LRP1B: variants seen among roughly 807,000 people sequenced by gnomAD.
LRP1B encodes LDL receptor related protein 1B.
A neutral mutation model predicts 556.6 loss-of-function variants in LRP1B; 217 were observed. The observed-to-expected ratio is 0.39, with a 90% CI of 0.35 to 0.44. The LOEUF (loss-of-function observed/expected upper bound fraction) is 0.44. LRP1B is among the 20% of genes least tolerant of loss of function. The pLI is 1.00. For missense variants in LRP1B, 5,053 were observed against 5,620.8 expected (o/e 0.90, Z 3.23); for synonymous variants, 2,047 against 1,865.8 (o/e 1.10, Z -2.50).
chr2:141,327,875 TGAGAGA>T (rs757095809), intron 3 of LRP1B, among the ~76,000 whole-genome samples: 1,695 of 90,670 alleles, frequency 0.019, 35 homozygotes, highest in African/African-American at 0.083. Context: ...AGATAAAGAG[TGAGAGA>T]GAGAGAGAGA....
intron 43 of LRP1B, among the ~76,000 whole-genome samples, chr2:140,596,458 C>A (rs1457734611): frequency 6.6e-6 from 1 of 152,098 alleles, no homozygotes; most frequent in East Asian, 1.9e-4. Flanking sequence ...TGTCTGCTGA[C>A]AAGTTGAGTA....
chr2:140,272,141 A>C (rs539762840), intron 85 of LRP1B, among the ~76,000 whole-genome samples: 91 of 152,056 alleles, frequency 6.0e-4, no homozygotes, highest in African/African-American at 2.1e-3. Context: ...TAGACATTTT[A>C]AATGTGAAAT....
chr2:140,536,628 C>T lies in LRP1B; in HGVS notation c.7595G>A (p.Gly2532Asp), dbSNP rs1338864694. The T allele has an allele frequency of 1.2e-6, 2 of 1,610,728 alleles. No individual in the cohort carries two copies. The highest frequency in any genetic ancestry group is 1.7e-6 in the Non-Finnish European group (2 of 1,178,280). The change falls in exon 46 of 91, where the codon GGC becomes GAC. Residue 2532 changes from glycine to aspartate, a missense_variant. Coordinates refer to ENST00000389484, the MANE Select transcript of LRP1B (RefSeq NM_018557.3). ...TGATTTATCTTTACAGTGAGGAATGCCATCACAGGTGAGCTGGTAGTCAAT... is the reference window on the plus strand; with the variant it reads ...TGATTTATCTTTACAGTGAGGAATGTCATCACAGGTGAGCTGGTAGTCAAT... The part of the protein sequence containing the change: ...ECIDYQLTCD[G>D]IPHCKDKSDE...
chr2:140,417,811 G>C (rs978267317), intron 66 of LRP1B, among the ~76,000 whole-genome samples: 3 of 152,178 alleles, frequency 2.0e-5, no homozygotes, highest in African/African-American at 7.2e-5. Flanking sequence ...TTTACAGAAT[G>C]TGATTAAAAT....
chr2:140,803,965 G>A (rs1690619608), intron 32 of LRP1B, among the ~76,000 whole-genome samples: 1 of 142,426 alleles, frequency 7.0e-6, no homozygotes, highest in Non-Finnish European at 1.5e-5. Context: ...GAGAAGAAAA[G>A]GTAGGGAGGG....
chr2:140,775,878 C>G (rs192144002), intron 33 of LRP1B, among the ~76,000 whole-genome samples: 17 of 152,202 alleles, frequency 1.1e-4, no homozygotes, highest in African/African-American at 3.9e-4. Flanking sequence ...GAAGACCTGA[C>G]AAATTAAGAC....
chr2:141,059,885 C>G (rs1699290011), intron 8 of LRP1B, among the ~76,000 whole-genome samples: 1 of 151,720 alleles, frequency 6.6e-6, no homozygotes, highest in Non-Finnish European at 1.5e-5. Flanking sequence ...CCTTTGGCTA[C>G]TCATTTACTT....
At chr2:140,306,341 G>C (rs2105018304) in intron 83 of LRP1B, among the ~76,000 whole-genome samples, 1 of 152,048 alleles carries the variant, frequency 6.6e-6, no homozygotes, top group African/African-American at 2.4e-5. Flanking sequence ...GCCTGTTATT[G>C]GTCTATTCAG....
chr2:141,031,253 A>T (rs1028987677), intron 11 of LRP1B, among the ~76,000 whole-genome samples: 2 of 71,440 alleles, frequency 2.8e-5, no homozygotes, highest in African/African-American at 4.7e-5. Flanking sequence ...TATACATATC[A>T]CACACACACA....
chr2:141,554,296 G>T (rs1685879713), intron 2 of LRP1B, among the ~76,000 whole-genome samples: 1 of 144,590 alleles, frequency 6.9e-6, no homozygotes, highest in Non-Finnish European at 1.5e-5. Context: ...CATAGATATA[G>T]ATTATATATA....
At chr2:140,973,346 C>T (rs1696493527) in intron 18 of LRP1B, among the ~76,000 whole-genome samples, 1 of 151,824 alleles carries the variant, frequency 6.6e-6, no homozygotes, top group Non-Finnish European at 1.5e-5. Context: ...TTACACAAAA[C>T]TAGAAGACAT....
At chr2:140,236,151 T>G (rs1438259173) in intron 89 of LRP1B, among the ~76,000 whole-genome samples, 3 of 151,082 alleles carry the variant, frequency 2.0e-5, no homozygotes, top group East Asian at 3.9e-4. Flanking sequence ...TGTATCCATG[T>G]GAAAAGATTG....
intron 41 of LRP1B, among the ~76,000 whole-genome samples, chr2:140,602,095 G>C (rs1408599748): frequency 6.6e-6 from 1 of 151,972 alleles, no homozygotes; most frequent in Non-Finnish European, 1.5e-5. Context: ...AACTACAACA[G>C]TATGAGAAAT....
rs780880950 is a variant in LRP1B, at chr2:140,364,803, GAAAC to G, written c.11009-24_11009-21del. Reference sequence around the variant, plus strand: ...TTCCTCCTTTATTTTAAAACAAAAAGAAACAAAGAGATTCAGAGTAATCAGTGCC... The same window carrying G: ...TTCCTCCTTTATTTTAAAACAAAAAGAAAGAGATTCAGAGTAATCAGTGCC... On this transcript the variant is annotated intron_variant, in intron 71 of 90. Coordinates refer to ENST00000389484, the MANE Select transcript of LRP1B (RefSeq NM_018557.3). The G allele has an allele frequency of 1.1e-5, 18 of 1,604,920 alleles. No homozygotes were observed. In the South Asian group the frequency reaches 1.9e-4, roughly 17 times the overall value.
intron 7 of LRP1B, among the ~76,000 whole-genome samples, chr2:141,118,775 C>T (rs12613982): frequency 0.24 from 36,671 of 151,530 alleles, 5,020 homozygotes; most frequent in East Asian, 0.51. Context: ...TTTTATTTCC[C>T]TTTTTTTCTT....
intron 43 of LRP1B, among the ~76,000 whole-genome samples, chr2:140,576,043 A>T (rs1241982241): frequency 1.3e-5 from 2 of 152,212 alleles, no homozygotes; most frequent in Non-Finnish European, 2.9e-5. Flanking sequence ...TGATCTTTTG[A>T]AATGCAGTCC....
chr2:140,720,672 C>A (rs1043720429), intron 35 of LRP1B, among the ~76,000 whole-genome samples: 2 of 152,018 alleles, frequency 1.3e-5, no homozygotes, highest in Non-Finnish European at 2.9e-5. Flanking sequence ...AGATATTTCA[C>A]CCTTGTCTGT....
At chr2:140,992,976 A>C (rs1558787474) in intron 16 of LRP1B, among the ~76,000 whole-genome samples, 1 of 152,090 alleles carries the variant, frequency 6.6e-6, no homozygotes, top group African/African-American at 2.4e-5. Flanking sequence ...GTTATGTATT[A>C]ATATACAATT....
At chr2:140,311,370 G>A (rs1320714264) in intron 83 of LRP1B, among the ~76,000 whole-genome samples, 1 of 151,752 alleles carries the variant, frequency 6.6e-6, no homozygotes, top group African/African-American at 2.4e-5. Flanking sequence ...ATAAAATCAT[G>A]TTTTTTGTAG....
Sources: gnomAD v4.1 joint callset for allele counts (sites outside exome capture counted in the v4.1 genomes callset) on GRCh38, gnomAD v4.1.1 for gene constraint, MANE v1.5 for transcripts, NCBI Gene and HGNC (gene_info 2026-07-23, HGNC 2026-07-21) for gene names.